The following PKHD1L1 variants were observed in gnomAD, a reference collection of about 807,000 sequenced individuals.
PKHD1L1 encodes the protein fibrocystin-L.
A neutral mutation model predicts 462.9 loss-of-function variants in PKHD1L1; 434 were observed. The observed-to-expected ratio is 0.94, with a 90% CI of 0.87 to 1.02. PKHD1L1 has a LOEUF of 1.02. Ranked by LOEUF, PKHD1L1 falls within the 50% of genes least tolerant of loss-of-function variation. The probability of loss-of-function intolerance (pLI) is 0.00; values close to 1 mark genes in which losing one functional copy is unlikely to be tolerated. For synonymous variants in PKHD1L1, 1,781 were observed against 1,750.0 expected (o/e 1.02, Z -0.44); for missense variants, 5,202 against 5,096.1 (o/e 1.02, Z -0.63).
chr8:109,424,671 C>T (rs1814646701), intron 23 of PKHD1L1, among the ~76,000 whole-genome samples: 1 of 152,006 alleles, frequency 6.6e-6, no homozygotes, highest in African/African-American at 2.4e-5. Flanking sequence ...TGTTGGTTAA[C>T]TTTTCAAGAC....
Position 109,441,966 on chromosome 8 carries a change from T to A in PKHD1L1, c.4205-41T>A, listed in dbSNP as rs766748621. The A allele has an allele frequency of 4.7e-6, 7 of 1,473,784 alleles. No homozygotes were observed. In the South Asian group the frequency reaches 1.1e-4, roughly 23 times the overall value. 91.3% of individuals were successfully genotyped at this position (1,473,784 alleles called of 1,614,324 possible). ...TTGTCAAAGATAATTATTAAGAAAT[T>A]CTCTTTTTCTTTTAAAATATTACTC... On this transcript the variant is annotated intron_variant, in intron 34 of 77. Coordinates refer to ENST00000378402, the MANE Select transcript of PKHD1L1 (RefSeq NM_177531.6).
At chr8:109,524,072 C>T (rs1259412725) in intron 76 of PKHD1L1, among the ~76,000 whole-genome samples, 1 of 152,114 alleles carries the variant, frequency 6.6e-6, no homozygotes, top group East Asian at 1.9e-4. Flanking sequence ...TACCAGGGTC[C>T]AGATGATATA....
chr8:109,388,539 A>G lies in PKHD1L1; in HGVS notation c.612A>G (p.Gln204=), dbSNP rs760876292. Residue 204 remains glutamine (Q), a synonymous_variant, in exon 7 of 78, where the codon CAA becomes CAG. Transcript: ENST00000378402. The stretch of plus-strand genomic sequence containing the variant: ...TGCCCTGTGAGCTTCTCATACCACA[A>G]TCTGATAATTTGTAAGTAATTCAAA... The part of the protein sequence containing the change: ...GGMPCELLIP[Q]SDNLYGLKLD... 9.9e-6 allele frequency: 15 copies of G among 1,511,942 alleles called. No homozygotes were observed. The highest frequency in any genetic ancestry group is 1.7e-4 in the Middle Eastern group (1 of 5,890). 93.7% of individuals were successfully genotyped at this position (1,511,942 alleles called of 1,614,324 possible). A position where few individuals can be genotyped will look rare whatever the true frequency, so the allele number is the denominator to read the frequency against.
At chr8:109,376,750 A>T (rs1354509657) in intron 2 of PKHD1L1, among the ~76,000 whole-genome samples, 1 of 152,222 alleles carries the variant, frequency 6.6e-6, no homozygotes, top group Non-Finnish European at 1.5e-5. Flanking sequence ...TTATACAACA[A>T]TGATCCTTTA....
chr8:109,507,863 G>A lies in PKHD1L1; in HGVS notation c.11195G>A (p.Arg3732Lys). 1 of 1,613,570 alleles carries A rather than the reference G, an allele frequency of 6.2e-7. No homozygotes were observed. Among genetic ancestry groups the A allele is most frequent in the Non-Finnish European group, 8.5e-7 (1 of 1,179,658 alleles). Reference sequence around the variant, plus strand: ...ATGCTCACATTCTTGAATGGAAGTAGAATTCCTGTCACTGAGAAAGCACCT... The same window carrying A: ...ATGCTCACATTCTTGAATGGAAGTAAAATTCCTGTCACTGAGAAAGCACCT... Reference protein sequence around the residue: ...KAMLTFLNGSRIPVTEKAPHK... With the variant: ...KAMLTFLNGSKIPVTEKAPHK... Residue 3732 changes from arginine to lysine, a missense_variant, in exon 69 of 78, where the codon AGA becomes AAA. Arg to Lys is a conservative substitution (Grantham distance 26, BLOSUM62 2). Around this residue, in one of 3 missense-constraint regions of PKHD1L1, gnomAD observed 698 missense variants for 736.3 expected, o/e 0.95. Coordinates refer to ENST00000378402, the MANE Select transcript of PKHD1L1 (RefSeq NM_177531.6).
rs769479999 is a variant in PKHD1L1, at chr8:109,445,285, C to G, written c.5416C>G (p.Pro1806Ala). Residue 1806 changes from proline (P) to alanine (A), a missense_variant, in exon 38 of 78, where the codon CCA (proline) becomes GCA (alanine). Physicochemically the swap from Pro to Ala is conservative, Grantham distance 27 (BLOSUM62 -1). This residue lies in a region of PKHD1L1 where 4,497 missense variants were observed against 4,336.8 expected (regional missense o/e 1.04). Coordinates refer to ENST00000378402, the MANE Select transcript of PKHD1L1 (RefSeq NM_177531.6). ...CATCACTGCTCTTGTGACTCCTCTC[C>G]CAGTTGGACATCATTCTGTTAGTGT... ...NNITALVTPL[P>A]VGHHSVSVVV... 2 of 1,613,960 alleles carry G rather than the reference C, an allele frequency of 1.2e-6. No individual in the cohort carries two copies. Among genetic ancestry groups the G allele is most frequent in the South Asian group, 2.2e-5 (2 of 91,070 alleles).
chr8:109,419,402 G>T, intron 22 of PKHD1L1, 142 bp downstream of exon 22: 3 of 622,752 alleles, frequency 4.8e-6, no homozygotes, highest in Non-Finnish European at 7.5e-6. Flanking sequence ...ATAATATTAT[G>T]ATTTTATTTT....
At chr8:109,472,513 G>C (rs1450865436) in intron 50 of PKHD1L1, among the ~76,000 whole-genome samples, 2 of 152,078 alleles carry the variant, frequency 1.3e-5, no homozygotes, top group Non-Finnish European at 2.9e-5. Flanking sequence ...CAAGAATTAA[G>C]ATTTTTTATT....
intron 37 of PKHD1L1, 52 bp downstream of exon 37, chr8:109,443,954 G>A: frequency 7.1e-7 from 1 of 1,409,250 alleles, no homozygotes; most frequent in Admixed American, 2.0e-5. Context: ...CCCAATAAAA[G>A]TATTTTGACG....
chr8:109,440,349 C>G (rs1216459977), intron 32 of PKHD1L1, among the ~76,000 whole-genome samples: 1 of 152,038 alleles, frequency 6.6e-6, no homozygotes, highest in African/African-American at 2.4e-5. Flanking sequence ...AGTTTTAAAG[C>G]AGAGCTGCCT....
chr8:109,497,379 G>C, intron 65 of PKHD1L1, 107 bp downstream of exon 65: 2 of 1,278,618 alleles, frequency 1.6e-6, no homozygotes, highest in Non-Finnish European at 2.1e-6. Context: ...TCTCTGTCTC[G>C]CCCACACCTC....
At chr8:109,490,132 C>G (rs945731261) in intron 60 of PKHD1L1, 77 bp downstream of exon 60, 11 of 896,550 alleles carry the variant, frequency 1.2e-5, no homozygotes, top group African/African-American at 1.7e-5. Flanking sequence ...TTCTAAATAG[C>G]CACATCTTAT....
intron 14 of PKHD1L1, among the ~76,000 whole-genome samples, chr8:109,403,800 G>A (rs970354184): frequency 6.6e-6 from 1 of 152,072 alleles, no homozygotes; most frequent in African/African-American, 2.4e-5. Context: ...AATATATGTT[G>A]AGTGATGTGA....
chr8:109,421,482 A>G (rs945650308), intron 23 of PKHD1L1, among the ~76,000 whole-genome samples: 1 of 152,140 alleles, frequency 6.6e-6, no homozygotes. Context: ...TCTTAGCTCT[A>G]TTAGAAAATA....
chr8:109,449,554 TC>T, intron 40 of PKHD1L1, 67 bp downstream of exon 40: 1 of 1,387,430 alleles, frequency 7.2e-7, no homozygotes, highest in Non-Finnish European at 9.6e-7. Context: ...TCAGTTAATT[TC>T]TTTTTTCAAG....
Position 109,412,343 on chromosome 8 carries a change from C to T in PKHD1L1, c.2164C>T (p.Leu722Phe). The T allele has an allele frequency of 6.2e-7, 1 of 1,613,740 alleles. No individual in the cohort carries two copies. The highest frequency in any genetic ancestry group is 8.5e-7 in the Non-Finnish European group (1 of 1,179,732). ...GRYSLKNPAV[L>F]FDSADVKPNR... The stretch of plus-strand genomic sequence containing the variant: ...TTATTCCCTGAAAAACCCAGCTGTT[C>T]TTTTTGACTCAGCAGATGTTAAACC... The change falls in exon 20 of 78, where the codon CTT (leucine) becomes TTT (phenylalanine). Residue 722 changes from leucine to phenylalanine, a missense_variant. By Grantham distance (22) the Leu-to-Phe change is conservative. This residue lies in a region of PKHD1L1 where 4,497 missense variants were observed against 4,336.8 expected (regional missense o/e 1.04). Transcript: ENST00000378402.
intron 68 of PKHD1L1, among the ~76,000 whole-genome samples, chr8:109,506,306 T>C (rs1371033137): frequency 2.6e-5 from 4 of 152,132 alleles, no homozygotes; most frequent in Non-Finnish European, 4.4e-5. Flanking sequence ...GAACTAGCCG[T>C]AGGAGTCCAA....
At position 109,466,756 on chromosome 8, in the gene PKHD1L1, T is replaced by C; in HGVS notation, c.8592T>C (p.Leu2864=). ...PVSLLEKDVV[L]SDSFGTSIIP... ...CTCTGCTTGAAAAGGATGTGGTTCTTTCAGACTCTTTTGGTAAGTGGAATA... is the reference window on the plus strand; with the variant it reads ...CTCTGCTTGAAAAGGATGTGGTTCTCTCAGACTCTTTTGGTAAGTGGAATA... The change falls in exon 50 of 78, where the codon CTT becomes CTC. Residue 2864 remains leucine, a synonymous_variant. Transcript: ENST00000378402. 1 of 1,611,982 alleles carries C rather than the reference T, an allele frequency of 6.2e-7. No individual in the cohort carries two copies. Among genetic ancestry groups the C allele is most frequent in the Non-Finnish European group, 8.5e-7 (1 of 1,179,082 alleles).
chr8:109,401,466 C>A (rs1161620864), intron 13 of PKHD1L1, 31 bp from the exon 14 acceptor site: 1 of 1,223,294 alleles, frequency 8.2e-7, no homozygotes, highest in East Asian at 2.4e-5. Flanking sequence ...TAAATTCTCC[C>A]TTTTCTCTGT....
Sources: allele counts gnomAD v4.1 joint callset (sites outside exome capture counted in the v4.1 genomes callset), GRCh38; gene constraint gnomAD v4.1.1; regional missense constraint gnomAD v4.1.1; transcripts MANE v1.5; gene names NCBI Gene and HGNC (gene_info 2026-07-23, HGNC 2026-07-21).